The following ITGA11 variants were observed in gnomAD, a reference collection of about 807,000 sequenced individuals.
ITGA11 encodes integrin alpha-11.
Under a neutral mutation model 141.9 loss-of-function variants are expected in ITGA11, and 97 were observed. That is an observed-to-expected ratio of 0.68 (90% CI 0.58 to 0.81). ITGA11 has a LOEUF of 0.81. Among genes scored for constraint, ITGA11 ranks in the 30% least tolerant of loss-of-function variants. The pLI, the probability that ITGA11 is intolerant of heterozygous loss-of-function variation, is 0.00. For synonymous variants in ITGA11, 658 were observed against 624.6 expected, an observed-to-expected ratio of 1.05 and a Z score of -0.80; for missense variants, 1,387 against 1,559.2, an observed-to-expected ratio of 0.89 and a Z score of 1.86.
intron 2 of ITGA11, among the ~76,000 whole-genome samples, chr15:68,400,148 C>T (rs528821014): frequency 1.3e-5 from 2 of 152,170 alleles, no homozygotes; most frequent in East Asian, 3.9e-4. Flanking sequence ...ACAAAGATGT[C>T]ACTAGAATTC....
At chr15:68,334,560 G>A (rs547830548) in intron 12 of ITGA11, among the ~76,000 whole-genome samples, 1 of 151,736 alleles carries the variant, frequency 6.6e-6, no homozygotes, top group African/African-American at 2.4e-5. Context: ...ATTTAGAAGA[G>A]AGGAAAGGGA....
rs370388800 is a variant in ITGA11 at position 68,312,815 on chromosome 15, C to T, written c.2931G>A (p.Glu977=). The T allele has an allele frequency of 2.0e-5, 32 of 1,613,724 alleles. No homozygotes were observed. In the African/African-American group the frequency reaches 4.3e-4, roughly 22 times the overall value. ...AGGGAGGCCCGATACCATCGTATCT[C>T]TCCAGCGAGCTGTTGGGCTTGACCT... ...HYEVKPNSSL[E]RYDGIGPPFS... is the part of the protein sequence containing the mutation. Residue 977 remains glutamate (E), a synonymous_variant, in exon 24 of 30, where the codon GAG becomes GAA. Transcript: ENST00000315757.
chr15:68,383,279 G>GAA (rs555215234), intron 2 of ITGA11, among the ~76,000 whole-genome samples: 67 of 120,816 alleles, frequency 5.5e-4, no homozygotes, highest in Admixed American at 1.7e-3. Flanking sequence ...TCAAAAAAAA[G>GAA]AAAAAAAAAA....
At position 68,303,865 on chromosome 15, in the gene ITGA11, C is replaced by T. The variant is rs201171435; in HGVS notation, c.3402G>A (p.Lys1134=). The change falls in exon 29 of 30, where the codon AAG becomes AAA. Residue 1134 remains lysine (K), a synonymous_variant. Transcript: ENST00000315757. This position sits in a 1 kb window ranked among gnomAD's most constrained non-coding sequence, Gnocchi z 5.3. ...AGATGGGGACCTGCCAGTCCTCTTG[C>T]TTGGAGATCTCAAACACGATCTGCA... ...PSRQIVFEIS[K]QEDWQVPIWI... is the part of the protein sequence containing the mutation. 1.2e-6 allele frequency: 2 copies of T among 1,612,364 alleles called. No individual in the cohort carries two copies. The highest frequency in any genetic ancestry group is 4.5e-5 in the East Asian group (2 of 44,780).
intron 22 of ITGA11, among the ~76,000 whole-genome samples, chr15:68,314,175 G>A (rs1328149413): frequency 6.6e-6 from 1 of 152,202 alleles, no homozygotes; most frequent in Non-Finnish European, 1.5e-5. Context: ...TCACCCAGAT[G>A]CCCCGTCTGT....
intron 5 of ITGA11, among the ~76,000 whole-genome samples, chr15:68,359,593 C>T (rs1160162025): frequency 1.3e-5 from 2 of 152,028 alleles, no homozygotes; most frequent in East Asian, 3.8e-4. Context: ...TTGCAGTGAG[C>T]CAAGATCGGG....
At chr15:68,375,264 T>C (rs1256074013) in intron 2 of ITGA11, among the ~76,000 whole-genome samples, 3 of 152,200 alleles carry the variant, frequency 2.0e-5, no homozygotes, top group African/African-American at 7.2e-5. Flanking sequence ...TCCATTTTCC[T>C]TTTCTGAAAT....
At chr15:68,371,680 T>C (rs1279122950) in intron 2 of ITGA11, among the ~76,000 whole-genome samples, 5 of 151,872 alleles carry the variant, frequency 3.3e-5, no homozygotes, top group African/African-American at 7.3e-5. Context: ...ATCATGCCAC[T>C]GTACTCCGGC....
chr15:68,366,277 A>G (rs1895419425), intron 3 of ITGA11, among the ~76,000 whole-genome samples: 2 of 152,136 alleles, frequency 1.3e-5, no homozygotes, highest in African/African-American at 4.8e-5. Context: ...TGGGAGACCC[A>G]GGGGTCATCA....
chr15:68,412,961 C>G (rs1460282240), intron 1 of ITGA11, among the ~76,000 whole-genome samples: 1 of 152,116 alleles, frequency 6.6e-6, no homozygotes, highest in African/African-American at 2.4e-5. Flanking sequence ...CAGGCGTGAG[C>G]CACTGGCACC....
At chr15:68,387,278 T>C (rs1567153297) in intron 2 of ITGA11, among the ~76,000 whole-genome samples, 2 of 152,098 alleles carry the variant, frequency 1.3e-5, no homozygotes, top group Non-Finnish European at 2.9e-5. Flanking sequence ...CTCTGGGCTC[T>C]CCCTGGCCCC....
rs1476713742 is a variant in ITGA11 at position 68,299,926 on chromosome 15, A to G, written c.*3133T>C. 6.6e-6 allele frequency: 1 copy of G among 152,114 alleles called. No homozygotes were observed. Among genetic ancestry groups the G allele is most frequent in the Non-Finnish European group, 1.5e-5 (1 of 68,038 alleles). 9.4% of individuals were successfully genotyped at this position (152,114 alleles called of 1,614,324 possible). A position where few individuals can be genotyped will look rare whatever the true frequency, so the allele number is the denominator to read the frequency against. On this transcript the variant is annotated 3_prime_UTR_variant, in exon 30 of 30. Transcript: ENST00000315757. ...ACCTAGATACCTGTCATGTCAAGAA[A>G]CCATCACCTTCCTTAACAAAAGTAA...
chr15:68,376,921 C>A (rs1400745428), intron 2 of ITGA11, among the ~76,000 whole-genome samples: 1 of 152,170 alleles, frequency 6.6e-6, no homozygotes, highest in East Asian at 1.9e-4. Flanking sequence ...ATCTGCAGAT[C>A]CTCTGGGGTG....
At chr15:68,346,338 C>T (rs1265303520) in intron 10 of ITGA11, among the ~76,000 whole-genome samples, 5 of 152,278 alleles carry the variant, frequency 3.3e-5, no homozygotes, top group African/African-American at 4.8e-5. Context: ...ACTGCTGGAG[C>T]CATTTTCAAG....
In ITGA11 at chr15:68,396,953, TTATTATATAATAA is replaced by T. The variant is rs1567156467; in HGVS notation, c.164+5952_164+5964del. 4.3e-3 allele frequency among the ~76,000 whole-genome samples: 26 copies of T among 6,060 alleles called. 1 individual carries two copies. Among genetic ancestry groups the T allele is most frequent in the African/African-American group, 0.011 (13 of 1,214 alleles). The allele number at this position is 6,060 out of a possible 152,430, so 4.0% of individuals were successfully genotyped here. A position where few individuals can be genotyped will look rare whatever the true frequency, so the allele number is the denominator to read the frequency against. Reference sequence around the variant, plus strand: ...TAATATATAATATATTATATATTATTTATTATATAATAAATAATATATTATATATTATTTATTA... The same window carrying T: ...TAATATATAATATATTATATATTATTATAATATATTATATATTATTTATTA... On this transcript the variant is annotated intron_variant, in intron 2 of 29. Coordinates refer to ENST00000315757, the MANE Select transcript of ITGA11 (RefSeq NM_001004439.2).
rs1214851579 is a variant in ITGA11 at position 68,298,077 on chromosome 15, A to T, written c.*4982T>A. 3.3e-5 allele frequency: 5 copies of T among 152,150 alleles called. No homozygotes were observed. Among genetic ancestry groups the T allele is most frequent in the African/African-American group, 1.2e-4 (5 of 41,430 alleles). 9.4% of individuals were successfully genotyped at this position (152,150 alleles called of 1,614,324 possible). A position where few individuals can be genotyped will look rare whatever the true frequency, so the allele number is the denominator to read the frequency against. On this transcript the variant is annotated 3_prime_UTR_variant, in exon 30 of 30. Transcript: ENST00000315757. ...AAATCATCCAGACAGGTTTTAAAACATTTTTTTCTTTGTTTCAAGTAATGT... is the reference window on the plus strand; with the variant it reads ...AAATCATCCAGACAGGTTTTAAAACTTTTTTTTCTTTGTTTCAAGTAATGT...
At chr15:68,362,604 T>C (rs147385602) in intron 4 of ITGA11, among the ~76,000 whole-genome samples, 296 of 152,060 alleles carry the variant, frequency 1.9e-3, no homozygotes, top group African/African-American at 6.8e-3. Context: ...GATGGATGGA[T>C]GAATGATGTA....
rs752756160 is a variant in ITGA11 at position 68,326,420 on chromosome 15, T to TGA, written c.2211+232_2211+233dup. Reference sequence around the variant, plus strand: ...AGCCCACCTTCCTCCCTTCGGCATCTGAGAGTGGCAGGAGAAGAGGTTTTG... The same window carrying TGA: ...AGCCCACCTTCCTCCCTTCGGCATCTGAGAGAGTGGCAGGAGAAGAGGTTTTG... On this transcript the variant is annotated intron_variant, in intron 17 of 29. Transcript: ENST00000315757. This position sits in a 1 kb window ranked among gnomAD's most constrained non-coding sequence, Gnocchi z 6.8. Among the ~76,000 whole-genome samples the TGA allele has an allele frequency of 6.6e-6, 1 of 152,096 alleles. No homozygotes were observed. The highest frequency in any genetic ancestry group is 1.5e-5 in the Non-Finnish European group (1 of 68,014).
chr15:68,390,625 A>G (rs973210173), intron 2 of ITGA11, among the ~76,000 whole-genome samples: 1 of 152,186 alleles, frequency 6.6e-6, no homozygotes, highest in East Asian at 1.9e-4. Flanking sequence ...CCAGGTCCAT[A>G]CCACAGAGGC....
Sources: gnomAD v4.1 joint callset for allele counts (sites outside exome capture counted in the v4.1 genomes callset) on GRCh38, gnomAD v4.1.1 for gene constraint, Gnocchi (gnomAD v3.1) non-coding constraint, MANE v1.5 for transcripts, NCBI Gene and HGNC (gene_info 2026-07-23, HGNC 2026-07-21) for gene names.